Variants in CTNND2 observed in about 807,000 individuals in gnomAD.
CTNND2 encodes the protein catenin delta 2.
CTNND2 carries 22 observed loss-of-function variants against 144.4 expected under a neutral mutation model. That is an observed-to-expected ratio of 0.15 (90% CI 0.11 to 0.22). The LOEUF is 0.22. CTNND2 is among the 10% of genes least tolerant of loss of function. CTNND2 has a pLI of 1.00. For missense variants in CTNND2, 1,353 were observed against 1,618.8 expected (o/e 0.84, Z 2.82); for synonymous variants, 751 against 695.6 (o/e 1.08, Z -1.25).
At chr5:11,848,248 T>C (rs1794839567) in intron 1 of CTNND2, among the ~76,000 whole-genome samples, 2 of 152,118 alleles carry the variant, frequency 1.3e-5, no homozygotes, top group South Asian at 2.1e-4. Context: ...AGTACGTCTT[T>C]CAAGAAAAAT....
At chr5:10,998,551 A>G (rs543862730) in intron 18 of CTNND2, among the ~76,000 whole-genome samples, 2 of 152,272 alleles carry the variant, frequency 1.3e-5, no homozygotes, top group South Asian at 4.2e-4. Flanking sequence ...GGCTACAGTG[A>G]CTAAACTGCA....
At chr5:11,241,778 C>A (rs1403737183) in intron 9 of CTNND2, among the ~76,000 whole-genome samples, 1 of 152,174 alleles carries the variant, frequency 6.6e-6, no homozygotes, top group Non-Finnish European at 1.5e-5. Flanking sequence ...CTGTCTGGAT[C>A]ATTTCGGCCA....
intron 9 of CTNND2, among the ~76,000 whole-genome samples, chr5:11,260,554 T>C (rs1049071423): frequency 3.3e-5 from 5 of 152,214 alleles, no homozygotes; most frequent in Admixed American, 2.6e-4. Flanking sequence ...AGAAAATTCA[T>C]CTGTGAGGGC....
intron 2 of CTNND2, among the ~76,000 whole-genome samples, chr5:11,711,151 G>A (rs1786006729): frequency 6.6e-6 from 1 of 152,036 alleles, no homozygotes; most frequent in Non-Finnish European, 1.5e-5. Flanking sequence ...TGCCTCCTGG[G>A]TTCAAGTGAT....
chr5:11,042,653 A>G (rs926652896), intron 16 of CTNND2, among the ~76,000 whole-genome samples: 1 of 152,158 alleles, frequency 6.6e-6, no homozygotes, highest in African/African-American at 2.4e-5. Context: ...TTCTAATGTA[A>G]ATTATAGAAT....
At chr5:11,373,220 G>A (rs1757620724) in intron 7 of CTNND2, among the ~76,000 whole-genome samples, 1 of 152,174 alleles carries the variant, frequency 6.6e-6, no homozygotes, top group South Asian at 2.1e-4. Context: ...CACTTCTAGT[G>A]GGGAAAGAGC....
intron 5 of CTNND2, among the ~76,000 whole-genome samples, chr5:11,402,010 CT>C (rs1376899313): frequency 2.0e-5 from 3 of 152,048 alleles, no homozygotes; most frequent in African/African-American, 7.2e-5. Context: ...TCTTGAAAAC[CT>C]TATTGTAGGA....
Position 11,578,083 on chromosome 5 carries a change from A to T in CTNND2, c.175-13027T>A, listed in dbSNP as rs532362737. Among the ~76,000 whole-genome samples the T allele has an allele frequency of 8.3e-4, 126 of 151,842 alleles. 1 individual carries two copies. Among genetic ancestry groups the T allele is most frequent in the African/African-American group, 3.0e-3 (123 of 41,414 alleles). ...TTTCTTCTGCTTCATTTATGTTGAC[A>T]TTTTTTTTCACCCATTCCGTGTGTT... On this transcript the variant is annotated intron_variant, in intron 2 of 21. Transcript: ENST00000304623.
chr5:11,282,282 G>C (rs1304761706), intron 9 of CTNND2, among the ~76,000 whole-genome samples: 1 of 152,196 alleles, frequency 6.6e-6, no homozygotes, highest in Non-Finnish European at 1.5e-5. Flanking sequence ...GCACTCAGGA[G>C]AGTGACTGGC....
intron 2 of CTNND2, among the ~76,000 whole-genome samples, chr5:11,686,989 G>A (rs1038401792): frequency 3.3e-5 from 5 of 151,762 alleles, no homozygotes; most frequent in Non-Finnish European, 7.4e-5. Context: ...TCCCAGGGAC[G>A]TGCCCTTTAT....
intron 2 of CTNND2, among the ~76,000 whole-genome samples, chr5:11,660,974 T>A (rs1783170125): frequency 6.6e-6 from 1 of 152,154 alleles, no homozygotes; most frequent in Non-Finnish European, 1.5e-5. Flanking sequence ...TTCTGAAACA[T>A]GGCTACTCAG....
In CTNND2 at chr5:11,856,885, T is replaced by C. The variant is rs1451130454; in HGVS notation, c.37+46932A>G. Among the ~76,000 whole-genome samples the C allele has an allele frequency of 1.2e-3, 186 of 152,158 alleles. 6 individuals carry two copies. The highest frequency in any genetic ancestry group is 0.012 in the Admixed American group (186 of 15,282). On this transcript the variant is annotated intron_variant, in intron 1 of 21. Coordinates refer to ENST00000304623, the MANE Select transcript of CTNND2 (RefSeq NM_001332.4). ...ACAGCATTTTAGAGTGTGAAAGCAA[T>C]ATGGGTGGTTTTGGAAATCCCTTTA...
At chr5:11,709,011 T>C (rs1053957131) in intron 2 of CTNND2, among the ~76,000 whole-genome samples, 4 of 152,220 alleles carry the variant, frequency 2.6e-5, no homozygotes, top group Non-Finnish European at 5.9e-5. Flanking sequence ...TTATGAACTT[T>C]CTTACCAGGG....
At chr5:11,468,003 TTTC>T (rs904222795) in intron 3 of CTNND2, among the ~76,000 whole-genome samples, 5 of 152,352 alleles carry the variant, frequency 3.3e-5, no homozygotes, top group African/African-American at 2.4e-5. Flanking sequence ...TGTTTGTAAA[TTTC>T]TTCTTCTTCT....
At chr5:11,757,174 GATATACACAC>G (rs1275140106) in intron 1 of CTNND2, among the ~76,000 whole-genome samples, 15 of 150,836 alleles carry the variant, frequency 9.9e-5, no homozygotes, top group Non-Finnish European at 1.6e-4. Flanking sequence ...CACACAAATC[GATATACACAC>G]ATATACACAC....
chr5:11,757,325 C>G (rs565220745), intron 1 of CTNND2, among the ~76,000 whole-genome samples: 54 of 151,882 alleles, frequency 3.6e-4, no homozygotes, highest in African/African-American at 1.3e-3. Context: ...ACGCAGCTAT[C>G]CCACTGTATT....
intron 2 of CTNND2, among the ~76,000 whole-genome samples, chr5:11,599,301 C>CA (rs1779666527): frequency 1.3e-5 from 2 of 151,840 alleles, no homozygotes; most frequent in South Asian, 4.2e-4. Context: ...TCCTGGAAAA[C>CA]TAAAAAAAAT....
At chr5:11,694,903 G>A (rs957507681) in intron 2 of CTNND2, among the ~76,000 whole-genome samples, 6 of 152,192 alleles carry the variant, frequency 3.9e-5, no homozygotes, top group African/African-American at 1.4e-4. Context: ...TACACAACAG[G>A]ACTTGGAACC....
chr5:11,268,850 C>T (rs1419046052), intron 9 of CTNND2, among the ~76,000 whole-genome samples: 2 of 152,084 alleles, frequency 1.3e-5, no homozygotes, highest in Non-Finnish European at 2.9e-5. Flanking sequence ...ATGTTCATTG[C>T]AGGGAGCAAT....
Sources: allele counts gnomAD v4.1 joint callset (sites outside exome capture counted in the v4.1 genomes callset), GRCh38; gene constraint gnomAD v4.1.1; transcripts MANE v1.5; gene names NCBI Gene and HGNC (gene_info 2026-07-23, HGNC 2026-07-21).